Variants in NGEF observed in about 807,000 individuals in gnomAD.
The protein encoded by NGEF is ephexin-1.
Under a neutral mutation model 80.9 loss-of-function variants are expected in NGEF, and 31 were observed. The ratio of observed to expected loss-of-function variants is 0.38; its 90% CI spans 0.29 to 0.52. NGEF has a LOEUF of 0.52. Ranked by LOEUF, NGEF falls within the 20% of genes least tolerant of loss-of-function variation. NGEF has a pLI of 0.84. For synonymous variants in NGEF, 371 were observed against 370.2 expected, an observed-to-expected ratio of 1.00 and a Z score of -0.03; for missense variants, 709 against 926.2, an observed-to-expected ratio of 0.77 and a Z score of 3.04.
intron 3 of NGEF, among the ~76,000 whole-genome samples, chr2:232,943,247 A>T (rs1257934169): frequency 6.6e-6 from 1 of 152,148 alleles, no homozygotes; most frequent in African/African-American, 2.4e-5. Flanking sequence ...TCTTAAAAAA[A>T]AAAAGAGTCT....
At chr2:232,981,774 G>C (rs926366619) in intron 1 of NGEF, among the ~76,000 whole-genome samples, 6 of 152,118 alleles carry the variant, frequency 3.9e-5, no homozygotes, top group African/African-American at 1.2e-4. Context: ...CCCATCTCCC[G>C]CACAGCTGGC....
intron 11 of NGEF, 152 bp from the exon 12 acceptor site, chr2:232,883,618 C>T (rs576511045): frequency 8.1e-6 from 7 of 867,066 alleles, no homozygotes; most frequent in East Asian, 5.6e-5. Context: ...GCCTGTCTCC[C>T]GCACCCCAAA....
chr2:232,926,236 A>T (rs943724928), intron 4 of NGEF, among the ~76,000 whole-genome samples: 1 of 152,134 alleles, frequency 6.6e-6, no homozygotes, highest in Non-Finnish European at 1.5e-5. Context: ...ACAATGAAGA[A>T]CGAAAAGACT....
chr2:232,916,830 A>T (rs1258826962), intron 5 of NGEF, among the ~76,000 whole-genome samples: 3 of 152,236 alleles, frequency 2.0e-5, no homozygotes. Flanking sequence ...CAGCAGTTCC[A>T]CTTCCAGGCT....
chr2:232,998,216 C>T (rs1454803572), intron 1 of NGEF, among the ~76,000 whole-genome samples: 1 of 152,138 alleles, frequency 6.6e-6, no homozygotes, highest in Non-Finnish European at 1.5e-5. Context: ...TCACAACAAC[C>T]CCAGGGGATG....
intron 3 of NGEF, among the ~76,000 whole-genome samples, chr2:232,929,544 C>CG (rs896463144): frequency 5.3e-5 from 8 of 152,134 alleles, no homozygotes; most frequent in African/African-American, 1.9e-4. Flanking sequence ...GGGGCCAGAA[C>CG]GGGCAGGTCT....
chr2:233,000,514 T>C (rs1694949437), intron 1 of NGEF, among the ~76,000 whole-genome samples: 2 of 151,724 alleles, frequency 1.3e-5, no homozygotes, highest in East Asian at 3.9e-4. Flanking sequence ...TCCCAGCACT[T>C]TGGGAGGCCG....
At chr2:232,923,309 C>G (rs1464061871) in intron 4 of NGEF, among the ~76,000 whole-genome samples, 3 of 152,132 alleles carry the variant, frequency 2.0e-5, no homozygotes, top group Non-Finnish European at 2.9e-5. Flanking sequence ...TCTGAAGTCA[C>G]CCCATGGCAG....
intron 3 of NGEF, among the ~76,000 whole-genome samples, chr2:232,956,123 T>C (rs114657325): frequency 0.012 from 1,831 of 152,190 alleles, 24 homozygotes; most frequent in African/African-American, 0.027. Context: ...TATGAGGTAA[T>C]TGAGGCTTGA....
chr2:233,003,242 G>A (rs1177158321), intron 1 of NGEF, among the ~76,000 whole-genome samples: 1 of 152,188 alleles, frequency 6.6e-6, no homozygotes, highest in Non-Finnish European at 1.5e-5. Context: ...AGGCCTCTGG[G>A]ACTACCTGGT....
chr2:232,881,464 G>A (rs950024740), intron 13 of NGEF, among the ~76,000 whole-genome samples: 1 of 152,182 alleles, frequency 6.6e-6, no homozygotes, highest in African/African-American at 2.4e-5. Context: ...AGGCTGTGAG[G>A]GGGCCTTAGT....
intron 5 of NGEF, among the ~76,000 whole-genome samples, chr2:232,913,846 G>T (rs1298096444): frequency 6.6e-6 from 1 of 152,134 alleles, no homozygotes; most frequent in Non-Finnish European, 1.5e-5. Context: ...CTTGAACCTG[G>T]GAGGCAGAGG....
intron 1 of NGEF, among the ~76,000 whole-genome samples, chr2:233,005,459 G>T: frequency 6.6e-6 from 1 of 152,250 alleles, no homozygotes; most frequent in East Asian, 1.9e-4. Flanking sequence ...CTTCCAGCGT[G>T]GATGCCCATG....
At chr2:232,945,078 T>C (rs984620206) in intron 3 of NGEF, among the ~76,000 whole-genome samples, 5 of 152,068 alleles carry the variant, frequency 3.3e-5, no homozygotes, top group Non-Finnish European at 7.4e-5. Context: ...AAACCATGCA[T>C]ATGTTTTATA....
At chr2:232,953,174 T>C (rs1693715861) in intron 3 of NGEF, among the ~76,000 whole-genome samples, 1 of 150,602 alleles carries the variant, frequency 6.6e-6, no homozygotes, top group East Asian at 1.9e-4. Flanking sequence ...TGGTGGCGCG[T>C]GCCTGTAATC....
chr2:232,957,278 C>T (rs1160861201), intron 3 of NGEF, among the ~76,000 whole-genome samples: 1 of 151,992 alleles, frequency 6.6e-6, no homozygotes, highest in Non-Finnish European at 1.5e-5. Context: ...CAAGCTCAGG[C>T]CCCCAGAGCC....
chr2:232,902,977 G>A (rs931711697), intron 5 of NGEF, among the ~76,000 whole-genome samples: 1 of 150,252 alleles, frequency 6.7e-6, no homozygotes, highest in Non-Finnish European at 1.5e-5. Flanking sequence ...ATAAGTGACA[G>A]AGTGAGACTG....
intron 8 of NGEF, among the ~76,000 whole-genome samples, chr2:232,889,769 T>C (rs1245731420): frequency 6.6e-6 from 1 of 152,196 alleles, no homozygotes. Context: ...ACTGCTTCCT[T>C]GGCCTCATGC....
At chr2:233,001,138 G>T (rs1294843623) in intron 1 of NGEF, among the ~76,000 whole-genome samples, 1 of 152,188 alleles carries the variant, frequency 6.6e-6, no homozygotes, top group Non-Finnish European at 1.5e-5. Flanking sequence ...TGGCCCAGGA[G>T]GAATCAACCC....
Sources: gnomAD v4.1 joint callset for allele counts (sites outside exome capture counted in the v4.1 genomes callset) on GRCh38, gnomAD v4.1.1 for gene constraint, MANE v1.5 for transcripts, NCBI Gene and HGNC (gene_info 2026-07-23, HGNC 2026-07-21) for gene names.